The following CDH17 variants were observed in gnomAD, a reference collection of about 807,000 sequenced individuals.
The protein encoded by CDH17 is cadherin 17.
Under a neutral mutation model 86.3 loss-of-function variants are expected in CDH17, and 67 were observed. The observed-to-expected ratio is 0.78, with a 90% CI of 0.64 to 0.95. CDH17 has a LOEUF of 0.95. Ranked by LOEUF, CDH17 falls within the 40% of genes least tolerant of loss-of-function variation. The probability of loss-of-function intolerance (pLI) is 0.00; values close to 1 mark genes in which losing one functional copy is unlikely to be tolerated. For synonymous variants in CDH17, 367 were observed against 366.4 expected (o/e 1.00, Z -0.02); for missense variants, 993 against 1,017.6 (o/e 0.98, Z 0.33).
chr8:94,165,662 G>C, intron 10 of CDH17, 99 bp downstream of exon 10: 2 of 813,178 alleles, frequency 2.5e-6, no homozygotes, highest in South Asian at 3.0e-5. Flanking sequence ...TGTTTAAATG[G>C]CATCATTCTA....
chr8:94,156,359 C>T (rs1281076813), intron 12 of CDH17, among the ~76,000 whole-genome samples: 1 of 151,942 alleles, frequency 6.6e-6, no homozygotes, highest in East Asian at 1.9e-4. Flanking sequence ...AAGGATCAGC[C>T]ATAGTAGAGA....
At chr8:94,148,471 G>T (rs1812788728) in intron 14 of CDH17, among the ~76,000 whole-genome samples, 1 of 149,594 alleles carries the variant, frequency 6.7e-6, no homozygotes, top group African/African-American at 2.5e-5. Context: ...GAACCCAGGA[G>T]GTGGAGGTTG....
chr8:94,207,976 TTTC>T (rs1814061466), intron 1 of CDH17, among the ~76,000 whole-genome samples: 3 of 152,218 alleles, frequency 2.0e-5, no homozygotes, highest in South Asian at 2.1e-4. Flanking sequence ...CAAAAAGACT[TTTC>T]TTCTTCTCTG....
chr8:94,165,920 T>C lies in CDH17; in HGVS notation c.1123A>G (p.Ser375Gly), dbSNP rs574751909. The C allele has an allele frequency of 3.7e-6, 6 of 1,613,984 alleles. No individual in the cohort carries two copies. In the South Asian group the frequency reaches 4.4e-5, roughly 12 times the overall value. ...TCCACAATCCTGTAGTTTAGAAAAC[T>C]GTTGGCAGTATTTTCTTCATCCCTG... is the stretch of plus-strand genomic sequence containing the variant. ...HDRDEENTAN[S>G]FLNYRIVEQT... Residue 375 changes from serine to glycine, a missense_variant, in exon 10 of 18, where the codon AGT (serine) becomes GGT (glycine). Transcript: ENST00000027335.
chr8:94,155,795 G>A (rs937162848), intron 12 of CDH17, among the ~76,000 whole-genome samples: 4 of 152,196 alleles, frequency 2.6e-5, no homozygotes, highest in African/African-American at 7.2e-5. Flanking sequence ...GGGGCGGGAA[G>A]ACTAGCTAGA....
chr8:94,158,110 C>T (rs553834663), intron 12 of CDH17, among the ~76,000 whole-genome samples: 14 of 152,186 alleles, frequency 9.2e-5, no homozygotes, highest in Middle Eastern at 3.4e-3. Context: ...ATGTCACAGG[C>T]CTAAAGCACA....
chr8:94,189,207 G>A lies in CDH17; in HGVS notation c.130C>T (p.Pro44Ser), dbSNP rs1436785858. The A allele has an allele frequency of 6.2e-7, 1 of 1,613,108 alleles. No individual in the cohort carries two copies. The highest frequency in any genetic ancestry group is 2.2e-5 in the East Asian group (1 of 44,842). Residue 44 changes from proline (P) to serine (S), a missense_variant, in exon 3 of 18, where the codon CCG becomes TCG. Physicochemically the swap from Pro to Ser is moderately conservative, Grantham distance 74 (BLOSUM62 -1). Coordinates refer to ENST00000027335, the MANE Select transcript of CDH17 (RefSeq NM_004063.4). ...MTFSIYEGQE[P>S]SQIIFQFKAN... ...TTTACCTGGAATATAATTTGACTCG[G>A]TTCTTGGCCTTCATAAATAGAAAAT...
intron 1 of CDH17, among the ~76,000 whole-genome samples, chr8:94,197,923 A>G (rs1813819328): frequency 1.3e-5 from 2 of 152,058 alleles, no homozygotes; most frequent in African/African-American, 4.8e-5. Context: ...CTCATTTTGT[A>G]GGTGAGAAAA....
At chr8:94,196,856 A>C (rs1373275294) in intron 1 of CDH17, among the ~76,000 whole-genome samples, 3 of 152,024 alleles carry the variant, frequency 2.0e-5, no homozygotes, top group Non-Finnish European at 4.4e-5. Context: ...CTTTGTAACC[A>C]CGTGTACAGT....
chr8:94,200,411 T>G (rs556735693), intron 1 of CDH17, among the ~76,000 whole-genome samples: 104 of 152,176 alleles, frequency 6.8e-4, no homozygotes, highest in African/African-American at 2.5e-3. Flanking sequence ...TGCGTGGAAT[T>G]TTTGCCGTTT....
chr8:94,212,840 C>T (rs1043820451), upstream of CDH17, among the ~76,000 whole-genome samples: 6 of 152,238 alleles, frequency 3.9e-5, no homozygotes, highest in Non-Finnish European at 5.9e-5. Flanking sequence ...GCTCCAGCTA[C>T]GCATGCCATG....
At chr8:94,159,787 A>C (rs903752753) in intron 12 of CDH17, among the ~76,000 whole-genome samples, 184 bp downstream of exon 12, 2 of 152,122 alleles carry the variant, frequency 1.3e-5, no homozygotes, top group Non-Finnish European at 2.9e-5. Flanking sequence ...CAGGTCTAGA[A>C]TCCTGACTTC....
chr8:94,137,724 A>G (rs1812558871), intron 15 of CDH17, among the ~76,000 whole-genome samples: 1 of 152,168 alleles, frequency 6.6e-6, no homozygotes, highest in South Asian at 2.1e-4. Context: ...AACTAACTTA[A>G]CAATGTGAGA....
At chr8:94,173,553 A>G (rs1813308946) in intron 7 of CDH17, among the ~76,000 whole-genome samples, 1 of 151,978 alleles carries the variant, frequency 6.6e-6, no homozygotes, top group Admixed American at 6.6e-5. Context: ...CAAATTCCCC[A>G]CCTCAGGTAT....
chr8:94,173,740 A>G, intron 7 of CDH17, 57 bp downstream of exon 7: 1 of 1,338,550 alleles, frequency 7.5e-7, no homozygotes, highest in Non-Finnish European at 1.1e-6. Flanking sequence ...GTGGGTCTCT[A>G]CAAAGTGAAG....
intron 3 of CDH17, among the ~76,000 whole-genome samples, chr8:94,178,515 TATA>T (rs2130648039): frequency 6.6e-6 from 1 of 152,132 alleles, no homozygotes; most frequent in South Asian, 2.1e-4. Context: ...AGTACATGCT[TATA>T]GTGAAAGTAA....
intron 15 of CDH17, among the ~76,000 whole-genome samples, chr8:94,136,012 TAG>T (rs1563564303): frequency 1.3e-5 from 2 of 152,206 alleles, no homozygotes; most frequent in African/African-American, 4.8e-5. Flanking sequence ...AGGGTTTCTG[TAG>T]AGAGATCCAC....
At chr8:94,200,689 G>A (rs942184858) in intron 1 of CDH17, among the ~76,000 whole-genome samples, 45 of 151,628 alleles carry the variant, frequency 3.0e-4, no homozygotes, top group Admixed American at 2.0e-3. Context: ...GCTTGCAGAC[G>A]GGAACCAGGG....
chr8:94,169,416 A>G (rs1467938097), intron 9 of CDH17, among the ~76,000 whole-genome samples: 1 of 152,210 alleles, frequency 6.6e-6, no homozygotes, highest in African/African-American at 2.4e-5. Flanking sequence ...TAGCAAGAAG[A>G]AAAATAATGA....
Sources: gnomAD v4.1 joint callset for allele counts (sites outside exome capture counted in the v4.1 genomes callset) on GRCh38, gnomAD v4.1.1 for gene constraint, MANE v1.5 for transcripts, NCBI Gene and HGNC (gene_info 2026-07-23, HGNC 2026-07-21) for gene names.